Variants in SYNE2 observed in about 807,000 individuals in gnomAD.
SYNE2 encodes spectrin repeat containing nuclear envelope protein 2.
Under a neutral mutation model 856.3 loss-of-function variants are expected in SYNE2, and 431 were observed. That is an observed-to-expected ratio of 0.50 (90% CI 0.47 to 0.55). SYNE2 has a LOEUF of 0.55. Among genes scored for constraint, SYNE2 ranks in the 20% least tolerant of loss-of-function variants. The pLI, the probability that SYNE2 is intolerant of heterozygous loss-of-function variation, is 0.00. For synonymous variants in SYNE2, 2,923 were observed against 2,872.3 expected, an observed-to-expected ratio of 1.02 and a Z score of -0.56; for missense variants, 8,129 against 8,023.2, an observed-to-expected ratio of 1.01 and a Z score of -0.50.
intron 70 of SYNE2, among the ~76,000 whole-genome samples, chr14:64,123,360 C>A (rs573851751): frequency 3.3e-5 from 5 of 152,340 alleles, no homozygotes; most frequent in African/African-American, 1.2e-4. Flanking sequence ...AGGCTTCTGC[C>A]TTCCACCACA....
intron 85 of SYNE2, 21 bp from the exon 86 acceptor site, chr14:64,158,604 A>G: frequency 1.2e-6 from 2 of 1,613,520 alleles, no homozygotes; most frequent in Non-Finnish European, 1.7e-6. Flanking sequence ...CTAAATCAGT[A>G]CGTTTCCACT....
rs577552425 is a variant in SYNE2 at position 64,214,037 on chromosome 14, A to G, written c.19057-157A>G. ...CCAGATTGTCTAAACTGGAATAACCAGAAACAGGACCTGGGAACCTGATCT... is the reference window on the plus strand; with the variant it reads ...CCAGATTGTCTAAACTGGAATAACCGGAAACAGGACCTGGGAACCTGATCT... On this transcript the variant is annotated intron_variant, in intron 105 of 115. Coordinates refer to ENST00000555002, the MANE Select transcript of SYNE2 (RefSeq NM_182914.3). The G allele has an allele frequency of 9.9e-6, 11 of 1,109,198 alleles. No individual in the cohort carries two copies. The East Asian group carries it at 2.8e-4, about 29-fold the overall frequency. 68.7% of individuals were successfully genotyped at this position (1,109,198 alleles called of 1,614,324 possible).
At chr14:63,973,982 C>T (rs1860946590) in intron 11 of SYNE2, among the ~76,000 whole-genome samples, 1 of 152,172 alleles carries the variant, frequency 6.6e-6, no homozygotes, top group African/African-American at 2.4e-5. Context: ...GCAATCCCAG[C>T]AGTTTGGGAG....
intron 77 of SYNE2, among the ~76,000 whole-genome samples, chr14:64,133,369 A>T (rs535252814): frequency 6.6e-6 from 1 of 152,306 alleles, no homozygotes; most frequent in South Asian, 2.1e-4. Flanking sequence ...TGAGTGTTCT[A>T]TAAAAGCCAA....
rs1354874777 is a variant in SYNE2 at position 64,208,816 on chromosome 14, G to A, written c.18260G>A (p.Cys6087Tyr). The change falls in exon 101 of 116, where the codon TGT becomes TAT. Residue 6087 changes from cysteine to tyrosine, a missense_variant. This residue lies in a region of SYNE2 where 5,410 missense variants were observed against 5,284.8 expected (regional missense o/e 1.02). Coordinates refer to ENST00000555002, the MANE Select transcript of SYNE2 (RefSeq NM_182914.3). ...SAGVESVFNICDVLLHDSDAC... is the reference protein window; with the variant it reads ...SAGVESVFNIYDVLLHDSDAC... ...GGGGTGGAGTCCGTGTTTAACATCT[G>A]TGACGTCCTACTGCACGACTCCGAT... The A allele has an allele frequency of 6.2e-7, 1 of 1,614,218 alleles. No homozygotes were observed. Among genetic ancestry groups the A allele is most frequent in the South Asian group, 1.1e-5 (1 of 91,086 alleles).
At chr14:63,959,025 G>A (rs2096274876) in intron 8 of SYNE2, among the ~76,000 whole-genome samples, 1 of 152,060 alleles carries the variant, frequency 6.6e-6, no homozygotes, top group Non-Finnish European at 1.5e-5. Flanking sequence ...CTGACAAGAC[G>A]CTGCAGGCTC....
chr14:64,075,785 G>A (rs958693190), intron 53 of SYNE2, 160 bp from the exon 54 acceptor site: 8 of 689,704 alleles, frequency 1.2e-5, no homozygotes, highest in Non-Finnish European at 2.0e-5. Flanking sequence ...ACTAAACTGA[G>A]TGTCTCTGGG....
chr14:64,078,360 A>C (rs2097487120), intron 54 of SYNE2, 106 bp from the exon 55 acceptor site: 1 of 1,489,634 alleles, frequency 6.7e-7, no homozygotes, highest in East Asian at 2.3e-5. Flanking sequence ...GCCCTTAAAA[A>C]ATTTTTACAA....
intron 55 of SYNE2, 53 bp downstream of exon 55, chr14:64,078,659 G>A (rs1411592541): frequency 1.9e-6 from 3 of 1,602,672 alleles, no homozygotes; most frequent in Non-Finnish European, 2.6e-6. Flanking sequence ...ACCCACTCCT[G>A]CCTTGTTCAT....
At position 63,840,391 on chromosome 14, in the gene SYNE2, T is replaced by C. The variant is rs186656047; in HGVS notation, c.-304-12110T>C. Among the ~76,000 whole-genome samples, 378 of 150,944 alleles carry C rather than the reference T, an allele frequency of 2.5e-3. 4 individuals are homozygous for C. Among genetic ancestry groups the C allele is most frequent in the African/African-American group, 9.0e-3 (371 of 41,250 alleles). On this transcript the variant is annotated intron_variant, in intron 1 of 23. Transcript: ENST00000674003. Reference sequence around the variant, plus strand: ...AACCCAGTTTTTTGTATTTCTTCCTTTCTTTCCTTTCCTTCCTTCCTTCCT... The same window carrying C: ...AACCCAGTTTTTTGTATTTCTTCCTCTCTTTCCTTTCCTTCCTTCCTTCCT...
intron 65 of SYNE2, among the ~76,000 whole-genome samples, chr14:64,112,098 A>G (rs904810199): frequency 6.6e-6 from 1 of 152,220 alleles, no homozygotes; most frequent in Non-Finnish European, 1.5e-5. Flanking sequence ...ATGAAAATGA[A>G]CAGCATTCTC....
At chr14:64,096,736 C>T (rs905884642) in intron 61 of SYNE2, among the ~76,000 whole-genome samples, 3 of 152,194 alleles carry the variant, frequency 2.0e-5, no homozygotes, top group Non-Finnish European at 1.5e-5. Context: ...GTGCTAGTTG[C>T]AGCTTTGGAC....
At chr14:64,118,980 T>C (rs1384768588) in intron 66 of SYNE2, among the ~76,000 whole-genome samples, 2 of 152,184 alleles carry the variant, frequency 1.3e-5, no homozygotes, top group Non-Finnish European at 2.9e-5. Flanking sequence ...TCACTCCTGA[T>C]AATGACCTTA....
chr14:64,156,146 C>T (rs1370927787), intron 85 of SYNE2, among the ~76,000 whole-genome samples: 1 of 152,130 alleles, frequency 6.6e-6, no homozygotes, highest in Non-Finnish European at 1.5e-5. Flanking sequence ...GTGAATTTTA[C>T]TTGATGATTT....
At chr14:64,011,015 A>C (rs2096840688) in intron 32 of SYNE2, among the ~76,000 whole-genome samples, 1 of 152,206 alleles carries the variant, frequency 6.6e-6, no homozygotes, top group Non-Finnish European at 1.5e-5. Context: ...AGTTTGCTTG[A>C]TATACTTGGA....
In SYNE2 at chr14:64,179,198, G is replaced by A. The variant is rs143261146; in HGVS notation, c.17556+1715G>A. On this transcript the variant is annotated intron_variant, in intron 96 of 115. Transcript: ENST00000555002. The stretch of plus-strand genomic sequence containing the variant: ...GTCACCCAGGCTGGAATACAGTGGC[G>A]CAATCTTGGCTCACTGTAACCTCCA... 1.2e-3 allele frequency among the ~76,000 whole-genome samples: 186 copies of A among 152,072 alleles called. 1 individual carries two copies. Among genetic ancestry groups the A allele is most frequent in the Middle Eastern group, 6.8e-3 (2 of 292 alleles).
At chr14:63,815,233 TATATATGG>T (rs1888922713) in intron 1 of SYNE2, among the ~76,000 whole-genome samples, 3 of 142,598 alleles carry the variant, frequency 2.1e-5, no homozygotes, top group African/African-American at 7.8e-5. Flanking sequence ...TATATCCATA[TATATATGG>T]ATATATATAT....
At chr14:64,179,116 A>T (rs1007765414) in intron 96 of SYNE2, among the ~76,000 whole-genome samples, 1 of 152,240 alleles carries the variant, frequency 6.6e-6, no homozygotes, top group East Asian at 1.9e-4. Context: ...ACTTTATATA[A>T]GCAGTACTAT....
intron 2 of SYNE2, among the ~76,000 whole-genome samples, chr14:63,913,849 A>AATTTAATTTTAAATTTTTAAATTTC (rs1306670917): frequency 6.6e-6 from 1 of 152,096 alleles, no homozygotes; most frequent in African/African-American, 2.4e-5. Context: ...TTTTAAATTT[A>AATTTAATTTTAAATTTTTAAATTTC]ATTTAATTTT....
Sources: gnomAD v4.1 joint callset for allele counts (sites outside exome capture counted in the v4.1 genomes callset) on GRCh38, gnomAD v4.1.1 for gene constraint, gnomAD v4.1.1 regional missense constraint, MANE v1.5 for transcripts, NCBI Gene and HGNC (gene_info 2026-07-23, HGNC 2026-07-21) for gene names.